The following BTN2A1 variants were observed in gnomAD, a reference collection of about 807,000 sequenced individuals.
BTN2A1 encodes the protein butyrophilin subfamily 2 member A1.
A neutral mutation model predicts 34.5 loss-of-function variants in BTN2A1; 41 were observed. That is an observed-to-expected ratio of 1.19 (90% CI 0.93 to 1.54). The LOEUF (loss-of-function observed/expected upper bound fraction) is 1.54, where lower values mean the gene tolerates loss of function less well. BTN2A1 is among the 40% of genes most tolerant of loss of function. The pLI, the probability that BTN2A1 is intolerant of heterozygous loss-of-function variation, is 0.00. For missense variants in BTN2A1, 642 were observed against 662.0 expected, an observed-to-expected ratio of 0.97 and a Z score of 0.33; for synonymous variants, 267 against 258.6, an observed-to-expected ratio of 1.03 and a Z score of -0.31.
intron 3 of BTN2A1, chr6:26,462,873 T>C: frequency 7.8e-7 from 1 of 1,279,810 alleles, no homozygotes; most frequent in Non-Finnish European, 1.0e-6. Context: ...CTGTTTGAAG[T>C]TGGAGTCGAC....
intron 3 of BTN2A1, among the ~76,000 whole-genome samples, chr6:26,461,104 G>A (rs924418264): frequency 4.6e-5 from 7 of 152,142 alleles, no homozygotes; most frequent in Non-Finnish European, 8.8e-5. Context: ...AGGCAACCTT[G>A]CATCTGATTA....
At chr6:26,463,560 A>G (rs182643948) in intron 4 of BTN2A1, 35 bp downstream of exon 4, 7 of 1,592,866 alleles carry the variant, frequency 4.4e-6, no homozygotes, top group African/African-American at 1.3e-5. Context: ...CGTCGAGTGC[A>G]TGGGGGATCC....
chr6:26,465,142 G>A, intron 4 of BTN2A1, 43 bp from the exon 5 acceptor site: 1 of 1,558,522 alleles, frequency 6.4e-7, no homozygotes, highest in Non-Finnish European at 8.8e-7. Context: ...TACCCCAGAT[G>A]TTCTGTTTCA....
At chr6:26,469,821 G>A (rs1017584545), downstream of BTN2A1, among the ~76,000 whole-genome samples, 5 of 152,078 alleles carry the variant, frequency 3.3e-5, no homozygotes, top group Admixed American at 6.6e-5. Context: ...ATGAAAATAC[G>A]ATTATTAACC....
downstream of BTN2A1, among the ~76,000 whole-genome samples, chr6:26,473,830 G>T (rs1213985521): frequency 6.6e-6 from 1 of 152,256 alleles, no homozygotes; most frequent in East Asian, 1.9e-4. Flanking sequence ...TTGAGAGGTA[G>T]GGCTGAAACT....
chr6:26,476,404 C>G (rs1275488507), exon 8 of BTN2A1: 1 of 714,398 alleles, frequency 1.4e-6, no homozygotes, highest in Non-Finnish European at 2.6e-6. Flanking sequence ...TCCGGCTTGC[C>G]CAGATGTCTG....
downstream of BTN2A1, among the ~76,000 whole-genome samples, chr6:26,473,976 A>G (rs1433792717): frequency 3.8e-5 from 4 of 105,086 alleles, no homozygotes; most frequent in Non-Finnish European, 6.5e-5. Context: ...GGATTCTCTT[A>G]GTGTTTCTCG....
In BTN2A1 at chr6:26,468,022, T is replaced by C; in HGVS notation, c.1057T>C (p.Cys353Arg). 1 of 1,614,172 alleles carries C rather than the reference T, an allele frequency of 6.2e-7. No individual in the cohort carries two copies. Among genetic ancestry groups the C allele is most frequent in the Non-Finnish European group, 8.5e-7 (1 of 1,180,018 alleles). The change falls in exon 8 of 8, where the codon TGC becomes CGC. Residue 353 changes from cysteine to arginine, a missense_variant. Physicochemically the swap from Cys to Arg is radical, Grantham distance 180 (BLOSUM62 -3). Coordinates refer to ENST00000312541, the MANE Select transcript of BTN2A1 (RefSeq NM_007049.5). ...LSEDRRSVRR[C>R]PFRHLGESVP... ...AGAGGACCGGAGAAGTGTGAGAAGG[T>C]GCCCCTTCAGGCACCTAGGGGAGAG...
Position 26,468,170 on chromosome 6 carries a change from T to A in BTN2A1, c.1205T>A (p.Val402Asp). 6.2e-7 allele frequency: 1 copy of A among 1,613,664 alleles called. No homozygotes were observed. Among genetic ancestry groups the A allele is most frequent in the Non-Finnish European group, 8.5e-7 (1 of 1,179,908 alleles). Reference sequence around the variant, plus strand: ...AACGTGATTGAGTGGACTGTGGGGGTCTGTAGAGACAGTGTTGAGAGGAAA... The same window carrying A: ...AACGTGATTGAGTGGACTGTGGGGGACTGTAGAGACAGTGTTGAGAGGAAA... ...VENVIEWTVG[V>D]CRDSVERKGE... is the part of the protein sequence containing the mutation. The change falls in exon 8 of 8, where the codon GTC becomes GAC. Residue 402 changes from valine (V) to aspartate (D), a missense_variant. Coordinates refer to ENST00000312541, the MANE Select transcript of BTN2A1 (RefSeq NM_007049.5).
intron 4 of BTN2A1, among the ~76,000 whole-genome samples, chr6:26,463,968 T>G (rs1763244231): frequency 6.6e-6 from 1 of 151,966 alleles, no homozygotes; most frequent in South Asian, 2.1e-4. Context: ...ACCCGGCTAA[T>G]TTTTGTATTT....
At chr6:26,476,217 C>T in exon 8 of BTN2A1, 2 of 1,507,000 alleles carry the variant, frequency 1.3e-6, no homozygotes, top group Non-Finnish European at 1.8e-6. Flanking sequence ...GGAGAGAAGA[C>T]ACAGCAGGAT....
In BTN2A1 at chr6:26,476,020, A is replaced by G. The variant is rs1763532015; in HGVS notation, c.983-102A>G. 11 of 946,228 alleles carry G rather than the reference A, an allele frequency of 1.2e-5. No individual in the cohort carries two copies. The South Asian group carries it at 1.5e-4, about 13-fold the overall frequency. 58.6% of individuals were successfully genotyped at this position (946,228 alleles called of 1,614,324 possible). On this transcript the variant is annotated intron_variant, in intron 7 of 7. Transcript: ENST00000469185. Reference sequence around the variant, plus strand: ...TGCTGAAAGTAAATAACATATTATTATAGTTGAAAGATTTTTTTTTAGTGT... The same window carrying G: ...TGCTGAAAGTAAATAACATATTATTGTAGTTGAAAGATTTTTTTTTAGTGT...
At chr6:26,458,860 C>G in intron 2 of BTN2A1, 142 bp downstream of exon 2, 1 of 1,151,746 alleles carries the variant, frequency 8.7e-7, no homozygotes, top group Non-Finnish European at 1.3e-6. Flanking sequence ...TATACCAGCA[C>G]TGTCCAAAAG....
At chr6:26,460,016 C>A (rs1488790197) in intron 3 of BTN2A1, among the ~76,000 whole-genome samples, 188 bp downstream of exon 3, 2 of 152,048 alleles carry the variant, frequency 1.3e-5, no homozygotes, top group African/African-American at 4.8e-5. Context: ...GTGGGTTTGC[C>A]CTGCTAAGCT....
intron 4 of BTN2A1, among the ~76,000 whole-genome samples, chr6:26,464,102 A>G (rs1763247419): frequency 6.6e-6 from 1 of 152,124 alleles, no homozygotes; most frequent in Non-Finnish European, 1.5e-5. Context: ...ATACCCGGCC[A>G]GCAATTTTTA....
rs1763350289 is a variant in BTN2A1 at position 26,467,628 on chromosome 6, G to A, written c.983-320G>A. 8.8e-6 allele frequency: 12 copies of A among 1,367,550 alleles called. No homozygotes were observed. In the South Asian group the frequency reaches 1.4e-4, roughly 16 times the overall value. 84.7% of individuals were successfully genotyped at this position (1,367,550 alleles called of 1,614,324 possible). On this transcript the variant is annotated intron_variant, in intron 7 of 7. Transcript: ENST00000312541. ...CGCCTGGCCAGAGATCATATGTCTTGGATAGAAAAGGGAACACATCTTAGA... is the reference window on the plus strand; with the variant it reads ...CGCCTGGCCAGAGATCATATGTCTTAGATAGAAAAGGGAACACATCTTAGA...
downstream of BTN2A1, among the ~76,000 whole-genome samples, chr6:26,471,661 GGAAA>G (rs943684123): frequency 2.1e-5 from 3 of 144,276 alleles, no homozygotes; most frequent in African/African-American, 5.8e-5. Flanking sequence ...AAGGAAGGAA[GGAAA>G]GGAAGGAAGG....
At chr6:26,465,432 C>A in intron 5 of BTN2A1, 26 bp downstream of exon 5, 1 of 1,607,930 alleles carries the variant, frequency 6.2e-7, no homozygotes, top group South Asian at 1.1e-5. Context: ...TATGGTGGCT[C>A]ATGGCTTGAA....
chr6:26,468,481 G>A lies in BTN2A1; in HGVS notation c.1516G>A (p.Ala506Thr). Residue 506 changes from alanine to threonine, a missense_variant, in exon 8 of 8, where the codon GCC becomes ACC. Ala to Thr is a moderately conservative substitution (Grantham distance 58, BLOSUM62 0). Coordinates refer to ENST00000312541, the MANE Select transcript of BTN2A1 (RefSeq NM_007049.5). Reference sequence around the variant, plus strand: ...CTTCATCTGCCCTGCACTCACAGGAGCCAATGGGGTCACGGTGCCTGAAGA... The same window carrying A: ...CTTCATCTGCCCTGCACTCACAGGAACCAATGGGGTCACGGTGCCTGAAGA... ...PIFICPALTGANGVTVPEEGL... is the reference protein window; with the variant it reads ...PIFICPALTGTNGVTVPEEGL... The A allele has an allele frequency of 6.2e-7, 1 of 1,614,174 alleles. No homozygotes were observed. The highest frequency in any genetic ancestry group is 8.5e-7 in the Non-Finnish European group (1 of 1,180,034).
Sources: allele counts gnomAD v4.1 joint callset (sites outside exome capture counted in the v4.1 genomes callset), GRCh38; gene constraint gnomAD v4.1.1; transcripts MANE v1.5; gene names NCBI Gene and HGNC (gene_info 2026-07-23, HGNC 2026-07-21).